ADGRD1: variants seen among roughly 807,000 people sequenced by gnomAD.
ADGRD1 encodes adhesion G protein-coupled receptor D1.
A neutral mutation model predicts 113.4 loss-of-function variants in ADGRD1; 77 were observed. That is an observed-to-expected ratio of 0.68 (90% CI 0.57 to 0.82). ADGRD1 has a LOEUF of 0.82. ADGRD1 is among the 40% of genes least tolerant of loss of function. The probability of loss-of-function intolerance (pLI) is 0.00; values close to 1 mark genes in which losing one functional copy is unlikely to be tolerated. For missense variants in ADGRD1, 1,036 were observed against 1,139.1 expected (o/e 0.91, Z 1.30); for synonymous variants, 474 against 475.0 (o/e 1.00, Z 0.03).
chr12:131,090,866 C>T (rs552389754), intron 15 of ADGRD1, among the ~76,000 whole-genome samples: 3 of 152,308 alleles, frequency 2.0e-5, no homozygotes, highest in African/African-American at 2.4e-5. Flanking sequence ...AAGACATTGC[C>T]GCATTGCACT....
At chr12:131,056,536 G>C (rs1054472005) in intron 13 of ADGRD1, among the ~76,000 whole-genome samples, 2 of 152,212 alleles carry the variant, frequency 1.3e-5, no homozygotes, top group African/African-American at 4.8e-5. Context: ...TTCTTCCTCT[G>C]ATACTGTGCT....
chr12:131,079,795 T>C (rs1885928260), intron 14 of ADGRD1, among the ~76,000 whole-genome samples: 1 of 152,222 alleles, frequency 6.6e-6, no homozygotes, highest in Non-Finnish European at 1.5e-5. Context: ...GTTAGCCTTT[T>C]TCATGCCTGA....
At chr12:130,972,261 G>T (rs752917965) in intron 4 of ADGRD1, among the ~76,000 whole-genome samples, 43 of 152,270 alleles carry the variant, frequency 2.8e-4, no homozygotes, top group Non-Finnish European at 5.9e-4. Context: ...TTCCAAACCA[G>T]CTTGGAGCCT....
At chr12:131,061,371 C>G (rs1884311785) in intron 13 of ADGRD1, among the ~76,000 whole-genome samples, 1 of 152,202 alleles carries the variant, frequency 6.6e-6, no homozygotes, top group Non-Finnish European at 1.5e-5. Context: ...CTTCCCTGTT[C>G]CTGTGCAGAA....
At chr12:131,063,777 TG>T (rs1449580347) in intron 13 of ADGRD1, among the ~76,000 whole-genome samples, 4 of 152,230 alleles carry the variant, frequency 2.6e-5, no homozygotes, top group Non-Finnish European at 4.4e-5. Context: ...CTAGTTCCTT[TG>T]CCTTTAAAGA....
chr12:131,029,261 C>T (rs1041349970), intron 13 of ADGRD1, among the ~76,000 whole-genome samples: 6 of 152,222 alleles, frequency 3.9e-5, no homozygotes, highest in African/African-American at 7.2e-5. Flanking sequence ...ATAGTCAGTG[C>T]GGATGAACAC....
At chr12:131,107,432 C>T (rs1490026469) in intron 17 of ADGRD1, among the ~76,000 whole-genome samples, 1 of 149,980 alleles carries the variant, frequency 6.7e-6, no homozygotes, top group Admixed American at 6.7e-5. Context: ...GTCCTGCTCT[C>T]CCAGAGACCC....
At chr12:131,040,670 C>T (rs1048490681) in intron 13 of ADGRD1, among the ~76,000 whole-genome samples, 5 of 152,206 alleles carry the variant, frequency 3.3e-5, no homozygotes, top group Admixed American at 1.3e-4. Flanking sequence ...GTAAACCACC[C>T]GCCCTCCAGA....
rs1425670305 is a variant in ADGRD1 at position 130,954,947 on chromosome 12, C to CTTTCTCTA, written c.103+294_103+295insATTTCTCT. 6.6e-6 allele frequency among the ~76,000 whole-genome samples: 1 copy of CTTTCTCTA among 151,600 alleles called. No homozygotes were observed. Among genetic ancestry groups the CTTTCTCTA allele is most frequent in the East Asian group, 1.9e-4 (1 of 5,174 alleles). On this transcript the variant is annotated intron_variant, in intron 2 of 24. Coordinates refer to ENST00000261654, the MANE Select transcript of ADGRD1 (RefSeq NM_198827.5). This position sits in a 1 kb window ranked among gnomAD's most constrained non-coding sequence, Gnocchi z 4.7. ...TCATTTGAATGCCTTCTGCCTCTTT[C>CTTTCTCTA]TTTCTCTCTTTCTCTCTTTCTTCCT...
intron 20 of ADGRD1, among the ~76,000 whole-genome samples, chr12:131,121,687 AGT>A (rs1437762124): frequency 6.6e-6 from 1 of 152,124 alleles, no homozygotes; most frequent in Non-Finnish European, 1.5e-5. Context: ...GCCCCAACTC[AGT>A]GTTTAAACAC....
intron 13 of ADGRD1, among the ~76,000 whole-genome samples, chr12:131,038,857 T>C (rs1434753026): frequency 6.6e-6 from 1 of 152,242 alleles, no homozygotes; most frequent in Non-Finnish European, 1.5e-5. Context: ...CTGAAACTTC[T>C]GATTTTTAAA....
In ADGRD1 at chr12:130,954,978, C is replaced by T. The variant is rs2136448283; in HGVS notation, c.103+318C>T. 6.8e-6 allele frequency among the ~76,000 whole-genome samples: 1 copy of T among 146,796 alleles called. No homozygotes were observed. The highest frequency in any genetic ancestry group is 2.1e-4 in the South Asian group (1 of 4,808). On this transcript the variant is annotated intron_variant, in intron 2 of 24. Transcript: ENST00000261654. The surrounding 1 kb of genome is among the most constrained non-coding windows in gnomAD (Gnocchi z 4.7). ...CTCTTTCTCTCTTTCTTCCTTTCTT[C>T]CTTTTTTTCTTTTTGAGATGGAGTC...
intron 3 of ADGRD1, chr12:130,970,595 C>T (rs1182631610): frequency 6.6e-6 from 1 of 152,252 alleles, no homozygotes; most frequent in Non-Finnish European, 1.5e-5. Flanking sequence ...GGGGCTCAGA[C>T]ATTCTCCCTG....
At position 130,965,489 on chromosome 12, in the gene ADGRD1, T is replaced by C. The variant is rs1338318723; in HGVS notation, c.104-974T>C. Among the ~76,000 whole-genome samples, 1 of 152,196 alleles carries C rather than the reference T, an allele frequency of 6.6e-6. No individual in the cohort carries two copies. Among genetic ancestry groups the C allele is most frequent in the Non-Finnish European group, 1.5e-5 (1 of 68,034 alleles). ...ATTATTGTTTAGTCATCTGAACCAT[T>C]ATTTCCACTTCTGTGAATGAATCCC... On this transcript the variant is annotated intron_variant, in intron 2 of 24. Transcript: ENST00000261654. This position sits in a 1 kb window ranked among gnomAD's most constrained non-coding sequence, Gnocchi z 4.8.
intron 21 of ADGRD1, 140 bp from the exon 22 acceptor site, chr12:131,135,897 A>C (rs540831947): frequency 3.8e-4 from 293 of 774,184 alleles, no homozygotes; most frequent in Non-Finnish European, 5.4e-4. Context: ...AACCAGGGCT[A>C]CCTGCAGGGA....
At chr12:131,092,374 C>G (rs1334896392) in intron 15 of ADGRD1, among the ~76,000 whole-genome samples, 2 of 152,180 alleles carry the variant, frequency 1.3e-5, no homozygotes, top group African/African-American at 4.8e-5. Flanking sequence ...GCTTGTGTTC[C>G]CCGCTCAGGG....
At chr12:130,980,073 C>T (rs1023987135) in intron 4 of ADGRD1, among the ~76,000 whole-genome samples, 5 of 151,668 alleles carry the variant, frequency 3.3e-5, no homozygotes, top group African/African-American at 1.2e-4. Flanking sequence ...GGGGTGGGTG[C>T]GGGGCATGCT....
rs562523210 is a variant in ADGRD1 at position 131,016,023 on chromosome 12, A to G, written c.1473+1683A>G. Among the ~76,000 whole-genome samples the G allele has an allele frequency of 2.0e-3, 310 of 152,320 alleles. 1 individual carries two copies. Among genetic ancestry groups the G allele is most frequent in the African/African-American group, 7.2e-3 (301 of 41,574 alleles). On this transcript the variant is annotated intron_variant, in intron 13 of 24. Transcript: ENST00000261654. Reference sequence around the variant, plus strand: ...CTCTGGCTCTCCTTCCAAGCCCAGCAGACAGCTGCTGTCATTGCTGGTGTC... The same window carrying G: ...CTCTGGCTCTCCTTCCAAGCCCAGCGGACAGCTGCTGTCATTGCTGGTGTC...
At chr12:131,063,030 C>T (rs200141525) in intron 13 of ADGRD1, among the ~76,000 whole-genome samples, 5 of 152,204 alleles carry the variant, frequency 3.3e-5, no homozygotes, top group East Asian at 3.9e-4. Context: ...TGGATATTCT[C>T]GTCAATAAAA....
Sources: gnomAD v4.1 joint callset for allele counts (sites outside exome capture counted in the v4.1 genomes callset) on GRCh38, gnomAD v4.1.1 for gene constraint, Gnocchi (gnomAD v3.1) non-coding constraint, MANE v1.5 for transcripts, NCBI Gene and HGNC (gene_info 2026-07-23, HGNC 2026-07-21) for gene names.